Variants in PITPNM3 observed in about 807,000 individuals in gnomAD.
PITPNM3 encodes the protein PITPNM family member 3.
A neutral mutation model predicts 102.0 loss-of-function variants in PITPNM3; 26 were observed. That is an observed-to-expected ratio of 0.25 (90% CI 0.19 to 0.35). PITPNM3 has a LOEUF of 0.35. PITPNM3 is among the 10% of genes least tolerant of loss of function. The pLI is 1.00. For synonymous variants in PITPNM3, 578 were observed against 558.6 expected, an observed-to-expected ratio of 1.03 and a Z score of -0.49; for missense variants, 1,083 against 1,346.1, an observed-to-expected ratio of 0.80 and a Z score of 3.06.
rs1597373175 is a variant in PITPNM3, at chr17:6,478,949, G to A, written c.588-213C>T. 1 of 596,738 alleles carries A rather than the reference G, an allele frequency of 1.7e-6. No homozygotes were observed. The highest frequency in any genetic ancestry group is 2.8e-5 in the East Asian group (1 of 35,784). The allele number at this position is 596,738 out of a possible 1,614,324, so 37.0% of individuals were successfully genotyped here. A position where few individuals can be genotyped will look rare whatever the true frequency, so the allele number is the denominator to read the frequency against. ...TCAAGCCTACACTGACTCCCTGTGT[G>A]TCCTTCCCGTGCTGGCCATGGGTGT... On this transcript the variant is annotated intron_variant, in intron 6 of 19. Coordinates refer to ENST00000262483, the MANE Select transcript of PITPNM3 (RefSeq NM_031220.4). The surrounding 1 kb of genome is among the most constrained non-coding windows in gnomAD (Gnocchi z 4.4).
Position 6,533,543 on chromosome 17 carries a change from C to T in PITPNM3, c.118+4444G>A, listed in dbSNP as rs1909253216. ...GATCTCGGCTCACTGCAACCTCTGC[C>T]TCCTGGGTTCAAGCGATTCTCCTGC... On this transcript the variant is annotated intron_variant, in intron 2 of 19. Transcript: ENST00000262483. 2.0e-5 allele frequency among the ~76,000 whole-genome samples: 3 copies of T among 152,060 alleles called. No homozygotes were observed. The South Asian group carries it at 6.2e-4, about 32-fold the overall frequency.
At position 6,537,503 on chromosome 17, in the gene PITPNM3, C is replaced by T. The variant is rs192957013; in HGVS notation, c.118+484G>A. The stretch of plus-strand genomic sequence containing the variant: ...GAATACACATGTTGGCCAGGCTGGT[C>T]TCAAACTCCTGACCTCAGGTGATCC... On this transcript the variant is annotated intron_variant, in intron 2 of 19. Coordinates refer to ENST00000262483, the MANE Select transcript of PITPNM3 (RefSeq NM_031220.4). The surrounding 1 kb of genome is among the most constrained non-coding windows in gnomAD (Gnocchi z 4.4). Among the ~76,000 whole-genome samples the T allele has an allele frequency of 5.9e-3, 891 of 152,282 alleles. 24 individuals carry two copies. The highest frequency in any genetic ancestry group is 0.053 in the Admixed American group (812 of 15,298).
chr17:6,492,352 T>C (rs12950322), intron 4 of PITPNM3, among the ~76,000 whole-genome samples: 113,544 of 151,334 alleles, frequency 0.75, 42,869 homozygotes, highest in Middle Eastern at 0.85. Context: ...CATGAGCCAC[T>C]GTGCCCAGCC....
intron 3 of PITPNM3, among the ~76,000 whole-genome samples, chr17:6,523,991 A>G (rs1475086489): frequency 6.6e-6 from 1 of 152,146 alleles, no homozygotes; most frequent in African/African-American, 2.4e-5. Flanking sequence ...AGCTTGGGGG[A>G]CTTTGGGCAA....
At chr17:6,522,604 G>A (rs1371735600) in intron 3 of PITPNM3, among the ~76,000 whole-genome samples, 1 of 152,174 alleles carries the variant, frequency 6.6e-6, no homozygotes, top group Non-Finnish European at 1.5e-5. Flanking sequence ...GAGCACCCAT[G>A]GAGGCAGTGT....
At chr17:6,484,169 TCCTGG>T (rs769789997) in intron 5 of PITPNM3, 42 bp downstream of exon 5, 2 of 1,527,572 alleles carry the variant, frequency 1.3e-6, no homozygotes, top group Non-Finnish European at 1.8e-6. Flanking sequence ...CTTGCTAAAA[TCCTGG>T]CCTCTGAGTT....
intron 2 of PITPNM3, among the ~76,000 whole-genome samples, chr17:6,536,522 G>A (rs1274012743): frequency 1.3e-5 from 2 of 152,164 alleles, no homozygotes; most frequent in African/African-American, 2.4e-5. Flanking sequence ...CTGGCCTCAG[G>A]GAAGGGGTTC....
chr17:6,463,127 CTCCCAGGA>C (rs1246749432), intron 17 of PITPNM3, among the ~76,000 whole-genome samples: 2 of 152,154 alleles, frequency 1.3e-5, no homozygotes, highest in African/African-American at 4.8e-5. Context: ...GGCCAGCAGT[CTCCCAGGA>C]GCCCAGGAGC....
At chr17:6,491,833 ATAT>A (rs1906505786) in intron 4 of PITPNM3, among the ~76,000 whole-genome samples, 1 of 111,472 alleles carries the variant, frequency 9.0e-6, no homozygotes, top group East Asian at 2.4e-4. Context: ...ATATATATAT[ATAT>A]AATAAAGAAT....
intron 3 of PITPNM3, 81 bp from the exon 4 acceptor site, chr17:6,503,655 C>G (rs916708951): frequency 1.4e-6 from 2 of 1,404,628 alleles, no homozygotes; most frequent in Non-Finnish European, 9.9e-7. Flanking sequence ...CTGCTTGGAG[C>G]TGCCTCTGAC....
At chr17:6,522,990 T>C (rs1908624667) in intron 3 of PITPNM3, among the ~76,000 whole-genome samples, 2 of 152,284 alleles carry the variant, frequency 1.3e-5, no homozygotes, top group South Asian at 4.2e-4. Context: ...TGTTCTGTCA[T>C]GTTGTGGGAA....
intron 4 of PITPNM3, among the ~76,000 whole-genome samples, chr17:6,502,434 T>TGCTG (rs929834232): frequency 6.6e-6 from 1 of 151,822 alleles, no homozygotes; most frequent in Admixed American, 6.6e-5. Context: ...CCAGCCTGGG[T>TGCTG]GACAGAGCAA....
chr17:6,518,798 G>A (rs573397577), intron 3 of PITPNM3, among the ~76,000 whole-genome samples: 168 of 152,272 alleles, frequency 1.1e-3, no homozygotes, highest in Non-Finnish European at 2.1e-3. Flanking sequence ...TGAGGGGAAT[G>A]AGAAAGAAGT....
chr17:6,506,959 G>T (rs1328079296), intron 3 of PITPNM3, among the ~76,000 whole-genome samples: 6 of 152,180 alleles, frequency 3.9e-5, no homozygotes, highest in African/African-American at 1.4e-4. Context: ...TGAGTGAGAG[G>T]TTTTTTCCCT....
chr17:6,509,599 C>A (rs770849424), intron 3 of PITPNM3, among the ~76,000 whole-genome samples: 32 of 151,942 alleles, frequency 2.1e-4, no homozygotes, highest in Non-Finnish European at 2.8e-4. Flanking sequence ...GGCTGAGGAG[C>A]GAAGACCTGC....
At chr17:6,530,694 C>G (rs1410459135) in intron 2 of PITPNM3, among the ~76,000 whole-genome samples, 1 of 152,236 alleles carries the variant, frequency 6.6e-6, no homozygotes, top group Non-Finnish European at 1.5e-5. Flanking sequence ...GATCCACCAC[C>G]ACCACCACCA....
At position 6,469,413 on chromosome 17, in the gene PITPNM3, C is replaced by A. The variant is rs1904947295; in HGVS notation, c.1773+847G>T. Among the ~76,000 whole-genome samples, 1 of 151,988 alleles carries A rather than the reference C, an allele frequency of 6.6e-6. No homozygotes were observed. The highest frequency in any genetic ancestry group is 1.5e-5 in the Non-Finnish European group (1 of 67,968). ...ACCCCCAGCCCAGCACACTCTCTCC[C>A]ACCCCCAAGAACCTACAAACAAAAC... On this transcript the variant is annotated intron_variant, in intron 13 of 19. Coordinates refer to ENST00000262483, the MANE Select transcript of PITPNM3 (RefSeq NM_031220.4). This position sits in a 1 kb window ranked among gnomAD's most constrained non-coding sequence, Gnocchi z 4.0.
At position 6,463,756 on chromosome 17, in the gene PITPNM3, C is replaced by T. The variant is rs941922159; in HGVS notation, c.2282G>A (p.Arg761Gln). The T allele has an allele frequency of 2.5e-6, 4 of 1,611,736 alleles. No homozygotes were observed. Among genetic ancestry groups the T allele is most frequent in the African/African-American group, 1.3e-5 (1 of 74,862 alleles). ...VSIMGSDPKV[R>Q]PGAVDVVRHW... is the part of the protein sequence containing the mutation. ...CCGGACAACATCCACTGCACCCGGC[C>T]GGACCTTGGGGTCGCTTCCCATGAT... Residue 761 changes from arginine to glutamine, a missense_variant, in exon 17 of 20, where the codon CGG becomes CAG. Around this residue, in one of 5 missense-constraint regions of PITPNM3, gnomAD observed 410 missense variants for 638.4 expected, o/e 0.64. Transcript: ENST00000262483.
In PITPNM3 at chr17:6,477,165, G is replaced by A. The variant is rs952574166; in HGVS notation, c.949C>T (p.Arg317Cys). 9 of 1,614,162 alleles carry A rather than the reference G, an allele frequency of 5.6e-6. No homozygotes were observed. The highest frequency in any genetic ancestry group is 6.8e-6 in the Non-Finnish European group (8 of 1,180,038). ...ATGTCAATGTTGCTTTTGCTGAGAC[G>A]CTTGCTGCTGGCCAGGCTGCAATCT... is the stretch of plus-strand genomic sequence containing the variant. ...EEDCSLASSK[R>C]LSKSNIDISS... Residue 317 changes from arginine to cysteine, a missense_variant, in exon 9 of 20, where the codon CGT becomes TGT. Arg to Cys is a radical substitution (Grantham distance 180). This residue lies in a region of PITPNM3 where 172 missense variants were observed against 175.6 expected (regional missense o/e 0.98). Transcript: ENST00000262483.
Sources: allele counts gnomAD v4.1 joint callset (sites outside exome capture counted in the v4.1 genomes callset), GRCh38; gene constraint gnomAD v4.1.1; regional missense constraint gnomAD v4.1.1; non-coding constraint Gnocchi (gnomAD v3.1); transcripts MANE v1.5; gene names NCBI Gene and HGNC (gene_info 2026-07-23, HGNC 2026-07-21).